Variants in GALNT14 observed in about 807,000 individuals in gnomAD.
The protein encoded by GALNT14 is polypeptide N-acetylgalactosaminyltransferase 14.
GALNT14 carries 60 observed loss-of-function variants against 77.5 expected under a neutral mutation model. The ratio of observed to expected loss-of-function variants is 0.77; its 90% CI spans 0.63 to 0.96. The LOEUF is 0.96. Ranked by LOEUF, GALNT14 falls within the 40% of genes least tolerant of loss-of-function variation. The probability of loss-of-function intolerance (pLI) is 0.00; values close to 1 mark genes in which losing one functional copy is unlikely to be tolerated. For missense variants in GALNT14, 710 were observed against 731.0 expected, an observed-to-expected ratio of 0.97 and a Z score of 0.33; for synonymous variants, 280 against 281.7, an observed-to-expected ratio of 0.99 and a Z score of 0.06.
At chr2:31,133,491 G>A (rs1679084116) in intron 1 of GALNT14, among the ~76,000 whole-genome samples, 1 of 152,168 alleles carries the variant, frequency 6.6e-6, no homozygotes. Context: ...TGTATTTCTA[G>A]TACAGCACCA....
At chr2:30,924,896 G>C in intron 11 of GALNT14, 73 bp from the exon 12 acceptor site, 2 of 1,256,082 alleles carry the variant, frequency 1.6e-6, no homozygotes, top group Non-Finnish European at 2.3e-6. Context: ...AGCAACGCCA[G>C]TCCAGACTGA....
intron 1 of GALNT14, 22 bp downstream of exon 1, chr2:31,137,936 A>C (rs572307100): frequency 2.3e-4 from 372 of 1,599,944 alleles, no homozygotes; most frequent in Non-Finnish European, 1.9e-4. Context: ...GCTCAGCGCC[A>C]GCGCGCCGGC....
chr2:31,032,802 C>T (rs1484827845), intron 1 of GALNT14, among the ~76,000 whole-genome samples: 1 of 152,160 alleles, frequency 6.6e-6, no homozygotes, highest in African/African-American at 2.4e-5. Flanking sequence ...ATGTGATGTG[C>T]ACACAGATGC....
chr2:31,018,432 AT>A (rs1267201747), intron 1 of GALNT14, among the ~76,000 whole-genome samples: 10 of 152,202 alleles, frequency 6.6e-5, no homozygotes, highest in Non-Finnish European at 1.5e-4. Context: ...CATGTCTTAC[AT>A]GGCAGCAGGT....
intron 1 of GALNT14, among the ~76,000 whole-genome samples, chr2:31,022,130 T>C (rs1671759311): frequency 6.6e-6 from 1 of 152,186 alleles, no homozygotes. Flanking sequence ...TGTCAGAGAC[T>C]CTGCATGTGT....
chr2:30,976,612 C>CGTGT lies in GALNT14; in HGVS notation c.300-10314_300-10311dup, dbSNP rs368747490. 4.3e-3 allele frequency among the ~76,000 whole-genome samples: 645 copies of CGTGT among 148,400 alleles called. 2 individuals carry two copies. The highest frequency in any genetic ancestry group is 0.015 in the African/African-American group (605 of 39,100). ...GCAGCTGTGTGTGCATGTGCGTGTG[C>CGTGT]GTGTGTGTATGTGTGTGTGTGTGTG... On this transcript the variant is annotated intron_variant, in intron 2 of 14. Coordinates refer to ENST00000349752, the MANE Select transcript of GALNT14 (RefSeq NM_024572.4).
At chr2:31,127,355 T>C (rs934770833) in intron 1 of GALNT14, among the ~76,000 whole-genome samples, 9 of 152,252 alleles carry the variant, frequency 5.9e-5, no homozygotes, top group African/African-American at 2.2e-4. Context: ...TTTATATTTA[T>C]AAATCTTTCA....
rs947775763 is a variant in GALNT14 at position 31,128,335 on chromosome 2, G to A, written c.129+9623C>T. 2.6e-5 allele frequency among the ~76,000 whole-genome samples: 4 copies of A among 152,006 alleles called. No individual in the cohort carries two copies. The East Asian group carries it at 7.7e-4, about 29-fold the overall frequency. On this transcript the variant is annotated intron_variant, in intron 1 of 14. Transcript: ENST00000349752. ...ATTAGAGGCATGGCCAGGACACCCC[G>A]GCATTAGAGATGCAGGCAGGGCACC...
intron 1 of GALNT14, among the ~76,000 whole-genome samples, chr2:30,998,862 C>T (rs2148416482): frequency 6.6e-6 from 1 of 152,324 alleles, no homozygotes; most frequent in Non-Finnish European, 1.5e-5. Flanking sequence ...CAAAGACTCA[C>T]TATCTGTGCA....
At position 30,989,084 on chromosome 2, in the gene GALNT14, C is replaced by G. The variant is rs1158245258; in HGVS notation, c.299+3754G>C. On this transcript the variant is annotated intron_variant, in intron 2 of 14. Coordinates refer to ENST00000349752, the MANE Select transcript of GALNT14 (RefSeq NM_024572.4). ...CTATTTAAGTTTAAGAAGCGCTTAC[C>G]TAGAGCAGTGGTTCTTAACCCTGGC... Among the ~76,000 whole-genome samples, 3 of 152,152 alleles carry G rather than the reference C, an allele frequency of 2.0e-5. No homozygotes were observed. In the East Asian group the frequency reaches 5.8e-4, roughly 29 times the overall value.
At chr2:31,031,453 GCTCA>G (rs949995927) in intron 1 of GALNT14, among the ~76,000 whole-genome samples, 12 of 152,062 alleles carry the variant, frequency 7.9e-5, no homozygotes, top group Admixed American at 1.3e-4. Context: ...TGATATCTAG[GCTCA>G]CTAAGATGAC....
intron 1 of GALNT14, among the ~76,000 whole-genome samples, chr2:31,118,812 G>A (rs566545750): frequency 2.2e-4 from 34 of 152,254 alleles, no homozygotes; most frequent in African/African-American, 5.8e-4. Flanking sequence ...TAGACTAATT[G>A]AGAAGTAGCT....
At chr2:31,037,576 C>A (rs1672819076) in intron 1 of GALNT14, among the ~76,000 whole-genome samples, 1 of 152,138 alleles carries the variant, frequency 6.6e-6, no homozygotes, top group South Asian at 2.1e-4. Flanking sequence ...ATCTCTTAAT[C>A]TTTGCTGTTG....
chr2:31,011,795 C>A (rs1189369435), intron 1 of GALNT14, among the ~76,000 whole-genome samples: 2 of 152,214 alleles, frequency 1.3e-5, no homozygotes, highest in Non-Finnish European at 2.9e-5. Context: ...AGGAGGCATG[C>A]TGTGCAGAGG....
chr2:30,931,217 G>A (rs907307927), intron 10 of GALNT14, among the ~76,000 whole-genome samples: 21 of 152,114 alleles, frequency 1.4e-4, no homozygotes, highest in African/African-American at 5.1e-4. Flanking sequence ...CAGCTGTGTT[G>A]GGGTGGCTGT....
intron 1 of GALNT14, among the ~76,000 whole-genome samples, chr2:31,123,296 T>C (rs898498405): frequency 2.6e-5 from 4 of 152,114 alleles, no homozygotes; most frequent in Admixed American, 1.3e-4. Flanking sequence ...CTCTGATCAT[T>C]TAAAACTATA....
intron 2 of GALNT14, among the ~76,000 whole-genome samples, chr2:30,979,033 A>G (rs1275105835): frequency 6.6e-6 from 1 of 152,244 alleles, no homozygotes; most frequent in Non-Finnish European, 1.5e-5. Context: ...GAATCCTCAC[A>G]GCACAGTCGG....
chr2:31,015,466 T>C (rs1424540947), intron 1 of GALNT14, among the ~76,000 whole-genome samples: 1 of 152,058 alleles, frequency 6.6e-6, no homozygotes, highest in Non-Finnish European at 1.5e-5. Context: ...CCTCCATCTA[T>C]ACTAAAATCG....
At chr2:31,025,861 C>T (rs1291568886) in intron 1 of GALNT14, among the ~76,000 whole-genome samples, 1 of 152,126 alleles carries the variant, frequency 6.6e-6, no homozygotes, top group African/African-American at 2.4e-5. Flanking sequence ...CTCAGGCAGG[C>T]CTTCTATGTT....
Sources: gnomAD v4.1 joint callset for allele counts (sites outside exome capture counted in the v4.1 genomes callset) on GRCh38, gnomAD v4.1.1 for gene constraint, MANE v1.5 for transcripts, NCBI Gene and HGNC (gene_info 2026-07-23, HGNC 2026-07-21) for gene names.